Variants in LRSAM1 observed in about 807,000 individuals in gnomAD.
LRSAM1 encodes the protein leucine rich repeat and sterile alpha motif containing 1, also known as E3 ubiquitin-protein ligase LRSAM1.
A neutral mutation model predicts 118.1 loss-of-function variants in LRSAM1; 96 were observed. The observed-to-expected ratio is 0.81, with a 90% CI of 0.69 to 0.96. LRSAM1 has a LOEUF of 0.96. LRSAM1 is among the 40% of genes least tolerant of loss of function. LRSAM1 has a pLI of 0.00. For missense variants in LRSAM1, 804 were observed against 915.5 expected (o/e 0.88, Z 1.57); for synonymous variants, 322 against 364.2 (o/e 0.88, Z 1.32).
intron 7 of LRSAM1, 62 bp downstream of exon 7, chr9:127,459,133 A>G: frequency 6.6e-7 from 1 of 1,514,732 alleles, no homozygotes; most frequent in East Asian, 2.3e-5. Flanking sequence ...CAGTCACTCA[A>G]GCCTGGAATG....
intron 24 of LRSAM1, among the ~76,000 whole-genome samples, chr9:127,500,086 C>T (rs975246239): frequency 6.6e-5 from 10 of 150,518 alleles, no homozygotes; most frequent in African/African-American, 2.4e-4. Flanking sequence ...AGCAGCCGGG[C>T]ACGTTGGCTC....
Position 127,459,028 on chromosome 9 carries a change from T to C in LRSAM1, c.278T>C (p.Leu93Pro). The C allele has an allele frequency of 1.2e-6, 2 of 1,613,834 alleles. No individual in the cohort carries two copies. Among genetic ancestry groups the C allele is most frequent in the Non-Finnish European group, 1.7e-6 (2 of 1,179,992 alleles). Residue 93 changes from leucine (L) to proline (P), a missense_variant, in exon 7 of 26, where the codon CTG (leucine) becomes CCG (proline). Transcript: ENST00000300417. ...GTTCTAGATCTCCACGATAATCAGC[T>C]GACAGCCCTTCCTGACGATCTGGGG... ...IKVLDLHDNQ[L>P]TALPDDLGQL...
rs79065754 is a variant in LRSAM1 at position 127,478,687 on chromosome 9, A to C, written c.751-247A>C. Among the ~76,000 whole-genome samples, 7,203 of 152,242 alleles carry C rather than the reference A, an allele frequency of 0.047. 573 individuals carry two copies. The highest frequency in any genetic ancestry group is 0.16 in the African/African-American group (6,797 of 41,522). On this transcript the variant is annotated intron_variant, in intron 11 of 25. Transcript: ENST00000300417. ...GGGCTGCATCCCAGAACTGTCTTGA[A>C]GAGCCCCTCCTACAGTGCCATGCAC... is the stretch of plus-strand genomic sequence containing the variant.
rs76406733 is a variant in LRSAM1 at position 127,478,918 on chromosome 9, C to A, written c.751-16C>A. The A allele has an allele frequency of 4.1e-5, 66 of 1,614,046 alleles. No individual in the cohort carries two copies. The highest frequency in any genetic ancestry group is 5.3e-5 in the Non-Finnish European group (63 of 1,179,920). On this transcript the variant is annotated splice_polypyrimidine_tract_variant and intron_variant, in intron 11 of 25. Coordinates refer to ENST00000300417, the MANE Select transcript of LRSAM1 (RefSeq NM_001005373.4). ...GCTGCCACCCTCTCTTGACCACTGT[C>A]TTTTTTTCCTCCCAGAACAGGTTCT...
At position 127,479,319 on chromosome 9, in the gene LRSAM1, C is replaced by T. The variant is rs934303914; in HGVS notation, c.781-64C>T. On this transcript the variant is annotated intron_variant, in intron 12 of 25. Coordinates refer to ENST00000300417, the MANE Select transcript of LRSAM1 (RefSeq NM_001005373.4). Reference sequence around the variant, plus strand: ...GTCAGTGTTGAGGGGTGGATTCTCCCGACTTCTGTGTCCTAACTCCCCCAG... The same window carrying T: ...GTCAGTGTTGAGGGGTGGATTCTCCTGACTTCTGTGTCCTAACTCCCCCAG... The T allele has an allele frequency of 4.9e-5, 79 of 1,612,296 alleles. No individual in the cohort carries two copies. In the South Asian group the frequency reaches 7.2e-4, roughly 15 times the overall value.
At chr9:127,483,942 G>A (rs538702557) in intron 16 of LRSAM1, among the ~76,000 whole-genome samples, 1 of 152,264 alleles carries the variant, frequency 6.6e-6, no homozygotes, top group East Asian at 1.9e-4. Context: ...TATTACAGGC[G>A]TGAGCCACCG....
At chr9:127,486,766 T>C (rs1470008178) in intron 17 of LRSAM1, 1 of 152,222 alleles carries the variant, frequency 6.6e-6, no homozygotes, top group Non-Finnish European at 1.5e-5. Context: ...GTAGAGTTGG[T>C]GGAGAATTTG....
intron 7 of LRSAM1, 117 bp downstream of exon 7, chr9:127,459,188 C>A: frequency 2.1e-6 from 2 of 939,974 alleles, no homozygotes; most frequent in Non-Finnish European, 3.4e-6. Context: ...CAATCAGTGC[C>A]AGCTCCACCC....
chr9:127,452,530 C>G (rs890801073), intron 2 of LRSAM1, among the ~76,000 whole-genome samples: 1 of 152,222 alleles, frequency 6.6e-6, no homozygotes, highest in African/African-American at 2.4e-5. Context: ...TTCTCCCTAG[C>G]TCCTCTAGCG....
At chr9:127,490,262 C>G (rs2132095003) in intron 19 of LRSAM1, among the ~76,000 whole-genome samples, 1 of 151,838 alleles carries the variant, frequency 6.6e-6, no homozygotes, top group South Asian at 2.1e-4. Flanking sequence ...TTCTTTCTTT[C>G]TTTCTTTCTT....
rs777755879 is a variant in LRSAM1 at position 127,473,883 on chromosome 9, C to T, written c.702C>T (p.Ser234=). The T allele has an allele frequency of 6.2e-7, 1 of 1,614,118 alleles. No homozygotes were observed. Among genetic ancestry groups the T allele is most frequent in the Admixed American group, 1.7e-5 (1 of 60,010 alleles). ...ATGGAATCGAGAACTCTCGGGACAG[C>T]CCTGATGGGCCCACGGACAGATTCT... The part of the protein sequence containing the change: ...EQDGIENSRD[S]PDGPTDRFSR... Residue 234 remains serine, a synonymous_variant, in exon 11 of 26, where the codon AGC becomes AGT. Coordinates refer to ENST00000300417, the MANE Select transcript of LRSAM1 (RefSeq NM_001005373.4).
At chr9:127,459,400 G>T (rs1457870118) in intron 7 of LRSAM1, among the ~76,000 whole-genome samples, 1 of 151,864 alleles carries the variant, frequency 6.6e-6, no homozygotes, top group Non-Finnish European at 1.5e-5. Context: ...TGTATTTTTA[G>T]TAGAGATGGT....
intron 9 of LRSAM1, among the ~76,000 whole-genome samples, chr9:127,467,273 C>G (rs935032797): frequency 6.6e-6 from 1 of 151,942 alleles, no homozygotes; most frequent in Non-Finnish European, 1.5e-5. Context: ...AAAAAATAAA[C>G]AGTTCCAGGT....
At chr9:127,493,340 G>GC (rs1275745763) in intron 21 of LRSAM1, among the ~76,000 whole-genome samples, 2 of 152,168 alleles carry the variant, frequency 1.3e-5, no homozygotes, top group Admixed American at 6.5e-5. Flanking sequence ...GGTTTTACAG[G>GC]CATGAGCCAC....
intron 25 of LRSAM1, among the ~76,000 whole-genome samples, chr9:127,502,487 C>T (rs948274724): frequency 8.6e-5 from 13 of 151,954 alleles, no homozygotes; most frequent in Non-Finnish European, 1.8e-4. Context: ...GAGTTCGAGA[C>T]TAGCCTGACC....
intron 9 of LRSAM1, 91 bp downstream of exon 9, chr9:127,462,464 G>A (rs147483556): frequency 2.9e-5 from 46 of 1,595,462 alleles, no homozygotes; most frequent in African/African-American, 5.4e-5. Context: ...CTGATCTCAC[G>A]GTACCAGGGC....
chr9:127,491,168 T>C (rs1588132554), intron 19 of LRSAM1, 47 bp from the exon 20 acceptor site: 5 of 1,501,600 alleles, frequency 3.3e-6, no homozygotes, highest in South Asian at 1.1e-5. Flanking sequence ...AAAACTGAAC[T>C]GTGGTTAATG....
intron 10 of LRSAM1, among the ~76,000 whole-genome samples, chr9:127,469,727 G>A (rs1835094691): frequency 1.3e-5 from 2 of 152,218 alleles, no homozygotes; most frequent in South Asian, 4.1e-4. Context: ...ACTTTGGGAG[G>A]CCGAGGTGGG....
At chr9:127,463,651 A>G (rs140669144) in intron 9 of LRSAM1, among the ~76,000 whole-genome samples, 46 of 152,262 alleles carry the variant, frequency 3.0e-4, no homozygotes, top group Non-Finnish European at 5.3e-4. Context: ...TAAAGATGCT[A>G]TCTCCACATA....
Sources: allele counts gnomAD v4.1 joint callset (sites outside exome capture counted in the v4.1 genomes callset), GRCh38; gene constraint gnomAD v4.1.1; transcripts MANE v1.5; gene names NCBI Gene and HGNC (gene_info 2026-07-23, HGNC 2026-07-21).